The following MET variants were observed in gnomAD, a reference collection of about 807,000 sequenced individuals.
The protein encoded by MET is MET proto-oncogene, receptor tyrosine kinase.
MET carries 48 observed loss-of-function variants against 133.1 expected under a neutral mutation model. The observed-to-expected ratio is 0.36, with a 90% CI of 0.29 to 0.46. MET has a LOEUF of 0.46. Ranked by LOEUF, MET falls within the 20% of genes least tolerant of loss-of-function variation. The probability of loss-of-function intolerance (pLI) is 1.00; values close to 1 mark genes in which losing one functional copy is unlikely to be tolerated. For synonymous variants in MET, 628 were observed against 616.5 expected, an observed-to-expected ratio of 1.02 and a Z score of -0.28; for missense variants, 1,442 against 1,695.9, an observed-to-expected ratio of 0.85 and a Z score of 2.63.
intron 16 of MET, among the ~76,000 whole-genome samples, 181 bp from the exon 17 acceptor site, chr7:116,778,595 G>A (rs957904649): frequency 6.6e-6 from 1 of 152,176 alleles, no homozygotes; most frequent in Non-Finnish European, 1.5e-5. Context: ...TGACTGGAAG[G>A]CACAGTGCAC....
rs1796006612 is a variant in MET at position 116,672,430 on chromosome 7, G to A, written c.-162G>A. 5.1e-6 allele frequency: 2 copies of A among 395,596 alleles called. No individual in the cohort carries two copies. Among genetic ancestry groups the A allele is most frequent in the Non-Finnish European group, 8.9e-6 (2 of 224,214 alleles). The allele number at this position is 395,596 out of a possible 1,614,324, so 24.5% of individuals were successfully genotyped here. A position where few individuals can be genotyped will look rare whatever the true frequency, so the allele number is the denominator to read the frequency against. On this transcript the variant is annotated 5_prime_UTR_variant, in exon 1 of 21. Coordinates refer to ENST00000397752, the MANE Select transcript of MET (RefSeq NM_000245.4). The stretch of plus-strand genomic sequence containing the variant: ...GCCCTCGCCGCCCGCGGCGCCCCGA[G>A]CGCTTTGTGAGCAGATGCGGAGCCG...
At chr7:116,779,915 C>T (rs1795104495) in intron 17 of MET, among the ~76,000 whole-genome samples, 1 of 151,992 alleles carries the variant, frequency 6.6e-6, no homozygotes, top group African/African-American at 2.4e-5. Flanking sequence ...TTGAATAGCA[C>T]TGTAGTAGAT....
At chr7:116,736,022 C>T (rs543948763) in intron 3 of MET, among the ~76,000 whole-genome samples, 1 of 152,166 alleles carries the variant, frequency 6.6e-6, no homozygotes, top group African/African-American at 2.4e-5. Flanking sequence ...AAGTGATCTG[C>T]CCGCCTTGGC....
rs2116580334 is a variant in MET, at chr7:116,699,190, A to T, written c.106A>T (p.Asn36Tyr). ...AGAGGCACTAGCAAAGTCCGAGATG[A>T]ATGTGAATATGAAGTATCAGCTTCC... is the stretch of plus-strand genomic sequence containing the variant. The part of the protein sequence containing the change: ...CKEALAKSEM[N>Y]VNMKYQLPNF... Residue 36 changes from asparagine to tyrosine, a missense_variant, in exon 2 of 21, where the codon AAT (asparagine) becomes TAT (tyrosine). By Grantham distance (143) the Asn-to-Tyr change is moderately radical. Around this residue, in one of 6 missense-constraint regions of MET, gnomAD observed 762 missense variants for 792.4 expected, o/e 0.96. Coordinates refer to ENST00000397752, the MANE Select transcript of MET (RefSeq NM_000245.4). The T allele has an allele frequency of 6.2e-7, 1 of 1,613,962 alleles. No homozygotes were observed. Among genetic ancestry groups the T allele is most frequent in the Non-Finnish European group, 8.5e-7 (1 of 1,179,920 alleles).
At chr7:116,764,323 A>G (rs1794529738) in intron 11 of MET, among the ~76,000 whole-genome samples, 1 of 152,224 alleles carries the variant, frequency 6.6e-6, no homozygotes, top group African/African-American at 2.4e-5. Context: ...TGTTTACAAA[A>G]GCAAAGTTCT....
intron 2 of MET, among the ~76,000 whole-genome samples, chr7:116,707,344 G>C (rs962527664): frequency 3.3e-5 from 5 of 151,962 alleles, no homozygotes; most frequent in Non-Finnish European, 7.4e-5. Context: ...TGTCTTATTT[G>C]GGTAAATCAG....
At chr7:116,715,163 A>C (rs1312252459) in intron 2 of MET, among the ~76,000 whole-genome samples, 1 of 152,180 alleles carries the variant, frequency 6.6e-6, no homozygotes, top group Non-Finnish European at 1.5e-5. Flanking sequence ...GTCACATGGT[A>C]TGGTATTATA....
Position 116,769,632 on chromosome 7 carries a change from T to G in MET, c.2584-13T>G. 6.2e-7 allele frequency: 1 copy of G among 1,612,960 alleles called. No homozygotes were observed. Among genetic ancestry groups the G allele is most frequent in the South Asian group, 1.1e-5 (1 of 90,944 alleles). On this transcript the variant is annotated splice_polypyrimidine_tract_variant and intron_variant, in intron 11 of 20. Transcript: ENST00000397752. ...GAAGTGTTAACAACCTTTTTTTTTT[T>G]TTTTCCTTTCAGGGAAATGATATTG...
intron 3 of MET, among the ~76,000 whole-genome samples, chr7:116,739,549 C>G (rs1026690760): frequency 2.0e-5 from 3 of 152,222 alleles, no homozygotes; most frequent in African/African-American, 7.2e-5. Flanking sequence ...TCAAGGGAAA[C>G]TGCCTGGCAG....
At chr7:116,744,396 C>T (rs1793581715) in intron 5 of MET, among the ~76,000 whole-genome samples, 1 of 151,874 alleles carries the variant, frequency 6.6e-6, no homozygotes, top group African/African-American at 2.4e-5. Context: ...GAAGCATACA[C>T]AAGTATCAAT....
At chr7:116,739,081 A>G (rs1468150901) in intron 3 of MET, among the ~76,000 whole-genome samples, 1 of 152,212 alleles carries the variant, frequency 6.6e-6, no homozygotes, top group Non-Finnish European at 1.5e-5. Context: ...GGCCTACTTA[A>G]GAGTGAAAGT....
At chr7:116,768,967 C>G (rs1016723908) in intron 11 of MET, among the ~76,000 whole-genome samples, 1 of 152,052 alleles carries the variant, frequency 6.6e-6, no homozygotes, top group Non-Finnish European at 1.5e-5. Context: ...TGTAATTGTT[C>G]AAAATAATGG....
intron 4 of MET, 77 bp from the exon 5 acceptor site, chr7:116,740,774 CT>C: frequency 6.5e-7 from 1 of 1,544,654 alleles, no homozygotes; most frequent in Non-Finnish European, 8.9e-7. Context: ...TTACATGTAC[CT>C]TTTGTGTACT....
chr7:116,706,922 G>A (rs966706550), intron 2 of MET, among the ~76,000 whole-genome samples: 3 of 148,784 alleles, frequency 2.0e-5, no homozygotes, highest in African/African-American at 7.4e-5. Flanking sequence ...AGTATATGTG[G>A]TAACCGAATC....
chr7:116,710,054 G>A (rs572973569), intron 2 of MET, among the ~76,000 whole-genome samples: 32 of 152,236 alleles, frequency 2.1e-4, no homozygotes, highest in Non-Finnish European at 2.6e-4. Context: ...GAGTAATTGA[G>A]AAGTATTTCT....
At chr7:116,674,189 A>T (rs1796072999) in intron 1 of MET, among the ~76,000 whole-genome samples, 1 of 152,218 alleles carries the variant, frequency 6.6e-6, no homozygotes, top group African/African-American at 2.4e-5. Context: ...GTAGGGGTTT[A>T]CATTAGATGT....
chr7:116,676,571 A>G (rs559809381), intron 1 of MET, among the ~76,000 whole-genome samples: 1 of 152,340 alleles, frequency 6.6e-6, no homozygotes, highest in East Asian at 1.9e-4. Context: ...GGTGATGATA[A>G]TAGCTTCAAG....
chr7:116,678,247 G>A lies in MET; in HGVS notation c.-15+5670G>A, dbSNP rs1020059818. On this transcript the variant is annotated intron_variant, in intron 1 of 20. Transcript: ENST00000397752. ...AGAAGGCCACTGTGTTAGAAAGGGA[G>A]ATTATGTACTGTATTTCTTCCTACT... Among the ~76,000 whole-genome samples, 8 of 152,278 alleles carry A rather than the reference G, an allele frequency of 5.3e-5. No individual in the cohort carries two copies. In the East Asian group the frequency reaches 1.5e-3, roughly 29 times the overall value.
At chr7:116,686,750 A>G (rs879790658) in intron 1 of MET, among the ~76,000 whole-genome samples, 1 of 152,172 alleles carries the variant, frequency 6.6e-6, no homozygotes, top group African/African-American at 2.4e-5. Context: ...GCCTAATCTT[A>G]TACCTTTTTC....
Sources: gnomAD v4.1 joint callset for allele counts (sites outside exome capture counted in the v4.1 genomes callset) on GRCh38, gnomAD v4.1.1 for gene constraint, gnomAD v4.1.1 regional missense constraint, MANE v1.5 for transcripts, NCBI Gene and HGNC (gene_info 2026-07-23, HGNC 2026-07-21) for gene names.